Variants in TRPM7 observed in about 807,000 individuals in gnomAD.
TRPM7 encodes the protein transient receptor potential cation channel subfamily M member 7, also known as LTRPC ion channel family member 7.
In TRPM7, 134 loss-of-function variants were observed where a neutral mutation model predicts 229.7. That is an observed-to-expected ratio of 0.58 (90% CI 0.51 to 0.67). TRPM7 has a LOEUF of 0.67. TRPM7 is among the 30% of genes least tolerant of loss of function. The pLI is 0.00. For missense variants in TRPM7, 1,901 were observed against 2,210.0 expected (o/e 0.86, Z 2.80); for synonymous variants, 699 against 715.2 (o/e 0.98, Z 0.36).
At chr15:50,595,242 TA>T (rs561628383) in intron 23 of TRPM7, among the ~76,000 whole-genome samples, 10 of 147,802 alleles carry the variant, frequency 6.8e-5, no homozygotes, top group Admixed American at 1.4e-4. Context: ...TGGCAACCAT[TA>T]AAAAAAAAAT....
chr15:50,639,561 A>G lies in TRPM7; in HGVS notation c.536-13T>C, dbSNP rs747658016. ...TGTTTTGCCACACCTGTTCATAAAA[A>G]AAGTTTATTCATTTTGTTTTTTTTA... On this transcript the variant is annotated splice_polypyrimidine_tract_variant and intron_variant, in intron 5 of 38. Coordinates refer to ENST00000646667, the MANE Select transcript of TRPM7 (RefSeq NM_017672.6). 39 of 1,599,932 alleles carry G rather than the reference A, an allele frequency of 2.4e-5. No homozygotes were observed. In the Admixed American group the frequency reaches 2.8e-4, roughly 12 times the overall value.
intron 38 of TRPM7, among the ~76,000 whole-genome samples, chr15:50,562,836 A>AC (rs555210361): frequency 6.6e-6 from 1 of 151,962 alleles, no homozygotes; most frequent in Non-Finnish European, 1.5e-5. Context: ...GGACAGATGG[A>AC]AGATGGTATA....
chr15:50,574,142 T>C lies in TRPM7; in HGVS notation c.5308+132A>G, dbSNP rs1472125024. 4 of 707,884 alleles carry C rather than the reference T, an allele frequency of 5.7e-6. No homozygotes were observed. In the East Asian group the frequency reaches 8.0e-5, roughly 14 times the overall value. The allele number at this position is 707,884 out of a possible 1,614,324, so 43.9% of individuals were successfully genotyped here. A position where few individuals can be genotyped will look rare whatever the true frequency, so the allele number is the denominator to read the frequency against. On this transcript the variant is annotated intron_variant, in intron 36 of 38. Coordinates refer to ENST00000646667, the MANE Select transcript of TRPM7 (RefSeq NM_017672.6). Reference sequence around the variant, plus strand: ...TGATGGCTATATGCTATGACTGTGATTAACTTGCTTTTTTATAGCTTCTAT... The same window carrying C: ...TGATGGCTATATGCTATGACTGTGACTAACTTGCTTTTTTATAGCTTCTAT...
intron 25 of TRPM7, 83 bp from the exon 26 acceptor site, chr15:50,592,709 A>G (rs926374666): frequency 2.0e-6 from 2 of 988,918 alleles, no homozygotes; most frequent in African/African-American, 3.3e-5. Context: ...AATAATGATA[A>G]AAAGAGAAAA....
chr15:50,660,820 G>A (rs1329458537), intron 2 of TRPM7, among the ~76,000 whole-genome samples: 1 of 152,034 alleles, frequency 6.6e-6, no homozygotes, highest in African/African-American at 2.4e-5. Flanking sequence ...CCTAAGGGGG[G>A]AAAATCTTAA....
chr15:50,684,530 A>G (rs1331193608), intron 1 of TRPM7, among the ~76,000 whole-genome samples: 1 of 151,880 alleles, frequency 6.6e-6, no homozygotes. Flanking sequence ...AGTCCCAGCT[A>G]CTCGGGAGGC....
At chr15:50,622,351 T>C (rs1396038177) in intron 12 of TRPM7, among the ~76,000 whole-genome samples, 1 of 152,210 alleles carries the variant, frequency 6.6e-6, no homozygotes, top group East Asian at 1.9e-4. Flanking sequence ...TAAAACTTCA[T>C]CAATAATTGA....
At chr15:50,599,491 T>TAA in intron 21 of TRPM7, 195 bp from the exon 22 acceptor site, 1 of 421,128 alleles carries the variant, frequency 2.4e-6, no homozygotes, top group Non-Finnish European at 4.2e-6. Flanking sequence ...GGAGATTACG[T>TAA]AAAAAAAAAT....
In TRPM7 at chr15:50,611,249, C is replaced by A. The variant is rs1567005207; in HGVS notation, c.2124G>T (p.Leu708Phe). The change falls in exon 17 of 39, where the codon TTG (leucine) becomes TTT (phenylalanine). Residue 708 changes from leucine to phenylalanine, a missense_variant. Physicochemically the swap from Leu to Phe is conservative, Grantham distance 22. This residue lies in a region of TRPM7 where 794 missense variants were observed against 881.9 expected (regional missense o/e 0.90). Coordinates refer to ENST00000646667, the MANE Select transcript of TRPM7 (RefSeq NM_017672.6). ...TCCAGTTCTTCAGTTCATAAGTGAG[C>A]AATTTCATAGCCATGGTTTCATCTT... ...FRQDETMAMK[L>F]LTYELKNWSN... 2 of 1,613,844 alleles carry A rather than the reference C, an allele frequency of 1.2e-6. No individual in the cohort carries two copies. Among genetic ancestry groups the A allele is most frequent in the Non-Finnish European group, 1.7e-6 (2 of 1,179,888 alleles).
chr15:50,604,894 C>A lies in TRPM7; in HGVS notation c.2960G>T (p.Gly987Val). The A allele has an allele frequency of 6.2e-7, 1 of 1,608,656 alleles. No individual in the cohort carries two copies. Among genetic ancestry groups the A allele is most frequent in the South Asian group, 1.1e-5 (1 of 90,344 alleles). ...LDFLAVNQQA[G>V]PYVMMIGKMV... ...TTTTCCAATCATCATTACATAAGGT[C>A]CTGCCTGTTGATTTACAGCTAGAAA... is the stretch of plus-strand genomic sequence containing the variant. The change falls in exon 21 of 39, where the codon GGA (glycine) becomes GTA (valine). Residue 987 changes from glycine to valine, a missense_variant. Physicochemically the swap from Gly to Val is moderately radical, Grantham distance 109. This residue lies in a region of TRPM7 where 207 missense variants were observed against 241.5 expected (regional missense o/e 0.86). Coordinates refer to ENST00000646667, the MANE Select transcript of TRPM7 (RefSeq NM_017672.6).
intron 3 of TRPM7, among the ~76,000 whole-genome samples, chr15:50,653,270 G>C (rs2061473931): frequency 6.6e-6 from 1 of 152,190 alleles, no homozygotes; most frequent in Admixed American, 6.6e-5. Context: ...TGGCAATATA[G>C]TGAGACCCCG....
chr15:50,633,007 A>G lies in TRPM7; in HGVS notation c.1008-15T>C. ...CAGGAAGATTCCTGGAATAAAAGGAAACATAATTCACTGATTTCATCTTCC... is the reference window on the plus strand; with the variant it reads ...CAGGAAGATTCCTGGAATAAAAGGAGACATAATTCACTGATTTCATCTTCC... On this transcript the variant is annotated splice_polypyrimidine_tract_variant and intron_variant, in intron 8 of 38. Transcript: ENST00000646667. 2 of 1,576,950 alleles carry G rather than the reference A, an allele frequency of 1.3e-6. No individual in the cohort carries two copies. Among genetic ancestry groups the G allele is most frequent in the Non-Finnish European group, 1.7e-6 (2 of 1,168,560 alleles).
chr15:50,568,111 C>CAAA (rs57093955), intron 38 of TRPM7, among the ~76,000 whole-genome samples: 4,887 of 81,040 alleles, frequency 0.06, 144 homozygotes, highest in Non-Finnish European at 0.081. Context: ...GACTCTGTCT[C>CAAA]AAAAAAAAAA....
intron 3 of TRPM7, among the ~76,000 whole-genome samples, chr15:50,650,146 T>C (rs1348771098): frequency 2.3e-5 from 3 of 132,720 alleles, no homozygotes; most frequent in Non-Finnish European, 4.6e-5. Context: ...TGAGCAGAGA[T>C]TGGGCCACTG....
chr15:50,662,536 C>T (rs1044108393), intron 2 of TRPM7, among the ~76,000 whole-genome samples: 17 of 151,958 alleles, frequency 1.1e-4, no homozygotes, highest in African/African-American at 3.4e-4. Context: ...TATTGGCAAA[C>T]AAAAAGAATG....
chr15:50,564,297 A>G (rs1337720860), intron 38 of TRPM7, among the ~76,000 whole-genome samples: 1 of 149,492 alleles, frequency 6.7e-6, no homozygotes, highest in African/African-American at 2.5e-5. Context: ...ATAAAATAAA[A>G]TAAAATAAAA....
rs974399168 is a variant in TRPM7 at position 50,560,613 on chromosome 15, T to C, written c.*1065A>G. On this transcript the variant is annotated 3_prime_UTR_variant, in exon 39 of 39. Transcript: ENST00000646667. ...CTTGTTATTGTTGAATATTCAACAATATCTGGGGCTGTTAAATTACATTTT... is the reference window on the plus strand; with the variant it reads ...CTTGTTATTGTTGAATATTCAACAACATCTGGGGCTGTTAAATTACATTTT... 1 of 152,582 alleles carries C rather than the reference T, an allele frequency of 6.6e-6. No individual in the cohort carries two copies. Among genetic ancestry groups the C allele is most frequent in the Non-Finnish European group, 1.5e-5 (1 of 68,024 alleles). The allele number at this position is 152,582 out of a possible 1,614,324, so 9.5% of individuals were successfully genotyped here.
At chr15:50,676,559 T>C (rs934625) in intron 1 of TRPM7, among the ~76,000 whole-genome samples, 49,888 of 151,624 alleles carry the variant, frequency 0.33, 10,012 homozygotes, top group Admixed American at 0.47. Context: ...TCTCTATCGT[T>C]TAAATTTTTT....
At chr15:50,619,690 A>C (rs2060333860) in intron 13 of TRPM7, 55 bp downstream of exon 13, 1 of 1,333,256 alleles carries the variant, frequency 7.5e-7, no homozygotes, top group African/African-American at 1.5e-5. Flanking sequence ...AAAAACATGA[A>C]ATATAAATGA....
Sources: allele counts gnomAD v4.1 joint callset (sites outside exome capture counted in the v4.1 genomes callset), GRCh38; gene constraint gnomAD v4.1.1; regional missense constraint gnomAD v4.1.1; transcripts MANE v1.5; gene names NCBI Gene and HGNC (gene_info 2026-07-23, HGNC 2026-07-21).